The following CPED1 variants were observed in gnomAD, a reference collection of about 807,000 sequenced individuals.
The protein encoded by CPED1 is cadherin-like and PC-esterase domain-containing protein 1.
Under a neutral mutation model 128.2 loss-of-function variants are expected in CPED1, and 114 were observed. The ratio of observed to expected loss-of-function variants is 0.89; its 90% CI spans 0.76 to 1.04. The LOEUF (loss-of-function observed/expected upper bound fraction) is 1.04. CPED1 is among the 50% of genes least tolerant of loss of function. The pLI, the probability that CPED1 is intolerant of heterozygous loss-of-function variation, is 0.00. For synonymous variants in CPED1, 462 were observed against 426.7 expected, an observed-to-expected ratio of 1.08 and a Z score of -1.02; for missense variants, 1,211 against 1,207.1, an observed-to-expected ratio of 1.00 and a Z score of -0.05.
intron 16 of CPED1, among the ~76,000 whole-genome samples, chr7:121,168,481 T>G (rs966440345): frequency 2.0e-5 from 3 of 152,160 alleles, no homozygotes; most frequent in Non-Finnish European, 4.4e-5. Flanking sequence ...ATGTAGTAGG[T>G]GTATATGGGG....
At chr7:121,270,401 T>G (rs1053618550) in intron 21 of CPED1, among the ~76,000 whole-genome samples, 3 of 152,154 alleles carry the variant, frequency 2.0e-5, no homozygotes, top group Non-Finnish European at 4.4e-5. Context: ...AGGTTCCACT[T>G]ATCAATTTTT....
At chr7:121,119,338 T>C (rs1307637581) in intron 7 of CPED1, among the ~76,000 whole-genome samples, 1 of 151,136 alleles carries the variant, frequency 6.6e-6, no homozygotes, top group Non-Finnish European at 1.5e-5. Flanking sequence ...CAAGTGATTC[T>C]CTTGCCTTAG....
chr7:121,119,947 G>A (rs1005254144), intron 7 of CPED1, among the ~76,000 whole-genome samples: 2 of 152,102 alleles, frequency 1.3e-5, no homozygotes, highest in Non-Finnish European at 2.9e-5. Context: ...TTCACTTAGC[G>A]AATATTGTCA....
chr7:121,182,100 T>G (rs1328822020), intron 16 of CPED1, among the ~76,000 whole-genome samples: 1 of 152,068 alleles, frequency 6.6e-6, no homozygotes, highest in Non-Finnish European at 1.5e-5. Context: ...GTTGCATATT[T>G]CTGTTATTTT....
intron 3 of CPED1, among the ~76,000 whole-genome samples, chr7:121,019,224 C>T (rs962517169): frequency 6.6e-6 from 1 of 152,006 alleles, no homozygotes; most frequent in African/African-American, 2.4e-5. Context: ...GTTGATGTCT[C>T]TATTGGGAGA....
intron 22 of CPED1, among the ~76,000 whole-genome samples, chr7:121,278,835 GAA>G (rs1315935247): frequency 6.6e-6 from 1 of 152,118 alleles, no homozygotes; most frequent in Non-Finnish European, 1.5e-5. Flanking sequence ...AACAAACAGT[GAA>G]AGTAACTTAT....
chr7:121,038,719 A>T (rs906452290), intron 3 of CPED1, among the ~76,000 whole-genome samples: 1 of 150,750 alleles, frequency 6.6e-6, no homozygotes, highest in African/African-American at 2.4e-5. Context: ...CATTCAGCTC[A>T]CTCCTCTTGG....
In CPED1 at chr7:121,295,735, G is replaced by A. The variant is rs527337310; in HGVS notation, c.*83G>A. ...GTCTAGGAGCCAAGCGCTGCACATC[G>A]CACACATTTGGGATCGACCACACAC... is the stretch of plus-strand genomic sequence containing the variant. On this transcript the variant is annotated 3_prime_UTR_variant, in exon 23 of 23. Coordinates refer to ENST00000310396, the MANE Select transcript of CPED1 (RefSeq NM_024913.5). 16 of 1,157,504 alleles carry A rather than the reference G, an allele frequency of 1.4e-5. No homozygotes were observed. Among genetic ancestry groups the A allele is most frequent in the Non-Finnish European group, 1.9e-5 (15 of 782,816 alleles). 71.7% of individuals were successfully genotyped at this position (1,157,504 alleles called of 1,614,324 possible). A position where few individuals can be genotyped will look rare whatever the true frequency, so the allele number is the denominator to read the frequency against.
intron 6 of CPED1, among the ~76,000 whole-genome samples, chr7:121,098,816 T>A (rs1563024964): frequency 7.4e-6 from 1 of 135,266 alleles, no homozygotes; most frequent in African/African-American, 3.2e-5. Flanking sequence ...ATATAAATAA[T>A]ATATATATAA....
At chr7:121,036,492 T>TAC (rs1792892785) in intron 3 of CPED1, among the ~76,000 whole-genome samples, 2 of 134,874 alleles carry the variant, frequency 1.5e-5, no homozygotes, top group Non-Finnish European at 3.1e-5. Flanking sequence ...GGTGTGTGTA[T>TAC]ATATATATAT....
intron 16 of CPED1, among the ~76,000 whole-genome samples, chr7:121,152,241 C>G (rs2116404388): frequency 6.6e-6 from 1 of 152,188 alleles, no homozygotes; most frequent in South Asian, 2.1e-4. Context: ...CTCCACATCC[C>G]CCAGCTCCCC....
At chr7:121,079,253 A>G (rs554857455) in intron 5 of CPED1, among the ~76,000 whole-genome samples, 2 of 152,308 alleles carry the variant, frequency 1.3e-5, no homozygotes, top group Non-Finnish European at 2.9e-5. Context: ...TCATGATATC[A>G]CATGGAAACG....
chr7:121,209,268 C>T (rs1272251480), intron 16 of CPED1, among the ~76,000 whole-genome samples: 2 of 151,878 alleles, frequency 1.3e-5, no homozygotes, highest in African/African-American at 4.8e-5. Flanking sequence ...TATAACTAGT[C>T]ATTGGAACAG....
rs767679544 is a variant in CPED1 at position 121,244,312 on chromosome 7, C to T, written c.2284C>T (p.Leu762Phe). 2 of 1,613,988 alleles carry T rather than the reference C, an allele frequency of 1.2e-6. No individual in the cohort carries two copies. The highest frequency in any genetic ancestry group is 1.7e-6 in the Non-Finnish European group (2 of 1,180,010). Residue 762 changes from leucine (L) to phenylalanine (F), a missense_variant, in exon 18 of 23, where the codon CTC (leucine) becomes TTC (phenylalanine). Transcript: ENST00000310396. ...CQYGVLTKPQLQQCLGGRKIL... is the reference protein window; with the variant it reads ...CQYGVLTKPQFQQCLGGRKIL... ...ATATGGTGTCCTAACTAAGCCTCAA[C>T]TCCAGCAGTGCCTGGGAGGAAGGAA... is the stretch of plus-strand genomic sequence containing the variant.
chr7:121,054,902 TTTG>T (rs1454494776), intron 4 of CPED1, among the ~76,000 whole-genome samples: 1 of 152,198 alleles, frequency 6.6e-6, no homozygotes, highest in Non-Finnish European at 1.5e-5. Context: ...TTGTTTTGTT[TTTG>T]TTTTCTGTTT....
intron 16 of CPED1, among the ~76,000 whole-genome samples, chr7:121,154,791 A>G (rs10240772): frequency 0.54 from 82,389 of 151,740 alleles, 22,737 homozygotes; most frequent in East Asian, 0.84. Flanking sequence ...TGATCCGCCC[A>G]CCTCGGCCTC....
Position 121,043,047 on chromosome 7 carries a change from G to A in CPED1, c.434-3840G>A, listed in dbSNP as rs137952298. 6.7e-3 allele frequency among the ~76,000 whole-genome samples: 1,012 copies of A among 152,022 alleles called. 3 individuals are homozygous for A. The highest frequency in any genetic ancestry group is 0.037 in the Middle Eastern group (11 of 294). ...CTTCTCAGTGCAGAAAAGGCACATC[G>A]AGAAAGACATAAACAATGAGCATTT... On this transcript the variant is annotated intron_variant, in intron 3 of 22. Coordinates refer to ENST00000310396, the MANE Select transcript of CPED1 (RefSeq NM_024913.5).
chr7:121,247,855 TCCCCAGC>T (rs1798573464), intron 18 of CPED1, among the ~76,000 whole-genome samples: 3 of 152,114 alleles, frequency 2.0e-5, no homozygotes, highest in East Asian at 3.9e-4. Flanking sequence ...AGAAGTTTTA[TCCCCAGC>T]CTACTGCTTA....
chr7:121,074,870 G>T (rs11766764), intron 5 of CPED1, among the ~76,000 whole-genome samples: 59,290 of 151,986 alleles, frequency 0.39, 12,554 homozygotes, highest in Non-Finnish European at 0.49. Flanking sequence ...AGATAAAAAG[G>T]TGTTTCACAA....
Sources: gnomAD v4.1 joint callset for allele counts (sites outside exome capture counted in the v4.1 genomes callset) on GRCh38, gnomAD v4.1.1 for gene constraint, MANE v1.5 for transcripts, NCBI Gene and HGNC (gene_info 2026-07-23, HGNC 2026-07-21) for gene names.